Variants in MACROD2 observed in about 807,000 individuals in gnomAD.
MACROD2 encodes the protein mono-ADP ribosylhydrolase 2.
A neutral mutation model predicts 70.4 loss-of-function variants in MACROD2; 36 were observed. That is an observed-to-expected ratio of 0.51 (90% CI 0.39 to 0.68). MACROD2 has a LOEUF of 0.68. MACROD2 is among the 30% of genes least tolerant of loss of function. MACROD2 has a pLI of 0.00. For missense variants in MACROD2, 496 were observed against 538.4 expected, an observed-to-expected ratio of 0.92 and a Z score of 0.78; for synonymous variants, 172 against 178.8, an observed-to-expected ratio of 0.96 and a Z score of 0.30.
chr20:14,137,578 C>A (rs140700016), intron 3 of MACROD2, among the ~76,000 whole-genome samples: 2,101 of 152,146 alleles, frequency 0.014, 33 homozygotes, highest in Non-Finnish European at 0.022. Flanking sequence ...TCATATCCAC[C>A]ATGAAAATAA....
intron 5 of MACROD2, among the ~76,000 whole-genome samples, chr20:15,214,857 C>G (rs945449730): frequency 6.6e-6 from 1 of 152,172 alleles, no homozygotes; most frequent in Non-Finnish European, 1.5e-5. Flanking sequence ...CTTCAAAACA[C>G]TACTCAGTAA....
chr20:14,699,802 A>G (rs2071171263), intron 5 of MACROD2, among the ~76,000 whole-genome samples: 1 of 150,626 alleles, frequency 6.6e-6, no homozygotes, highest in Admixed American at 6.6e-5. Flanking sequence ...CTAGAAGTTT[A>G]AAGTTTAAAC....
intron 8 of MACROD2, among the ~76,000 whole-genome samples, chr20:15,798,735 C>T (rs1198602451): frequency 6.6e-6 from 1 of 152,132 alleles, no homozygotes; most frequent in Non-Finnish European, 1.5e-5. Context: ...ATTACTGAGG[C>T]TCTAGATACC....
chr20:15,625,731 C>A (rs2049191619), intron 8 of MACROD2, among the ~76,000 whole-genome samples: 1 of 152,008 alleles, frequency 6.6e-6, no homozygotes, highest in Non-Finnish European at 1.5e-5. Flanking sequence ...AAAACTTAGG[C>A]TGCACATGGG....
At chr20:14,167,382 TA>T (rs927784415) in intron 3 of MACROD2, among the ~76,000 whole-genome samples, 70 of 152,206 alleles carry the variant, frequency 4.6e-4, no homozygotes, top group African/African-American at 1.1e-3. Context: ...TATCTTTAAA[TA>T]TTTTTTTTGT....
At chr20:15,480,257 C>A (rs2047078815) in intron 7 of MACROD2, among the ~76,000 whole-genome samples, 1 of 152,246 alleles carries the variant, frequency 6.6e-6, no homozygotes, top group South Asian at 2.1e-4. Context: ...AAACACCCCC[C>A]CTTAAAACTG....
intron 3 of MACROD2, among the ~76,000 whole-genome samples, chr20:14,185,137 C>T (rs1192068181): frequency 6.6e-6 from 1 of 152,030 alleles, no homozygotes; most frequent in East Asian, 1.9e-4. Flanking sequence ...CAATTCAATG[C>T]ATTGTAGTAC....
At chr20:14,837,564 C>T (rs1171202196) in intron 5 of MACROD2, among the ~76,000 whole-genome samples, 6 of 152,006 alleles carry the variant, frequency 3.9e-5, no homozygotes, top group Non-Finnish European at 8.8e-5. Context: ...TTGAAATCTC[C>T]TGACTTCATA....
chr20:15,759,178 C>T (rs2051398512), intron 8 of MACROD2, among the ~76,000 whole-genome samples: 2 of 146,282 alleles, frequency 1.4e-5, no homozygotes, highest in South Asian at 4.3e-4. Flanking sequence ...AGAAATGGAC[C>T]CCATAGTCAT....
At chr20:14,733,796 CA>C (rs1174379542) in intron 5 of MACROD2, among the ~76,000 whole-genome samples, 1 of 152,036 alleles carries the variant, frequency 6.6e-6, no homozygotes, top group African/African-American at 2.4e-5. Context: ...CAAGTTTATC[CA>C]AGGCTGATGT....
intron 5 of MACROD2, chr20:15,021,727 A>G (rs2075187620): frequency 6.6e-6 from 1 of 151,920 alleles, no homozygotes; most frequent in South Asian, 2.1e-4. Context: ...GGTGGAACTA[A>G]TAGTAGTGAA....
intron 4 of MACROD2, chr20:14,636,540 C>T (rs1984798033): frequency 6.6e-6 from 1 of 152,102 alleles, no homozygotes; most frequent in Non-Finnish European, 1.5e-5. Context: ...CAAGAGTGAT[C>T]CTGGAAAGCC....
At chr20:14,597,574 A>G (rs1210902046) in intron 4 of MACROD2, among the ~76,000 whole-genome samples, 1 of 152,246 alleles carries the variant, frequency 6.6e-6, no homozygotes, top group Non-Finnish European at 1.5e-5. Context: ...TTATCCAACT[A>G]TCTTGTTTCA....
chr20:14,463,883 C>G (rs1211413725), intron 3 of MACROD2, among the ~76,000 whole-genome samples: 1 of 151,958 alleles, frequency 6.6e-6, no homozygotes, highest in Non-Finnish European at 1.5e-5. Flanking sequence ...AGGGATGAAG[C>G]CCACTAGATC....
rs141597771 is a variant in MACROD2, at chr20:14,591,414, G to A, written c.302-93429G>A. ...GTATAGTTTTCTTTTTGTAAATTACGTAGTATAGCTAGATTGGCTCCCTGT... is the reference window on the plus strand; with the variant it reads ...GTATAGTTTTCTTTTTGTAAATTACATAGTATAGCTAGATTGGCTCCCTGT... On this transcript the variant is annotated intron_variant, in intron 4 of 17. Coordinates refer to ENST00000684519, the MANE Select transcript of MACROD2 (RefSeq NM_001351661.2). Among the ~76,000 whole-genome samples the A allele has an allele frequency of 2.4e-3, 370 of 152,136 alleles. 2 individuals are homozygous for A. The highest frequency in any genetic ancestry group is 8.2e-3 in the African/African-American group (339 of 41,510).
chr20:14,735,510 G>A (rs6079545), intron 5 of MACROD2, among the ~76,000 whole-genome samples: 60,934 of 151,906 alleles, frequency 0.4, 13,677 homozygotes, highest in Non-Finnish European at 0.51. Flanking sequence ...TGAGAATGCG[G>A]AGAAATTGAA....
chr20:14,246,839 C>T (rs536265509), intron 3 of MACROD2, among the ~76,000 whole-genome samples: 7 of 152,188 alleles, frequency 4.6e-5, no homozygotes, highest in East Asian at 3.9e-4. Flanking sequence ...CTCCATTTGC[C>T]GCTACAAAGT....
At chr20:14,304,516 T>C (rs2082503398) in intron 3 of MACROD2, among the ~76,000 whole-genome samples, 1 of 152,256 alleles carries the variant, frequency 6.6e-6, no homozygotes, top group African/African-American at 2.4e-5. Flanking sequence ...GCTCATTTTC[T>C]TTGGTTTGTT....
chr20:15,848,361 G>C (rs2064257693), intron 8 of MACROD2, among the ~76,000 whole-genome samples: 1 of 151,690 alleles, frequency 6.6e-6, no homozygotes, highest in African/African-American at 2.4e-5. Context: ...GTACAAGCCA[G>C]GGGGAGGGGG....
Sources: allele counts gnomAD v4.1 joint callset (sites outside exome capture counted in the v4.1 genomes callset), GRCh38; gene constraint gnomAD v4.1.1; transcripts MANE v1.5; gene names NCBI Gene and HGNC (gene_info 2026-07-23, HGNC 2026-07-21).